Variants in STIMATE observed in about 807,000 individuals in gnomAD.
STIMATE encodes the protein STIM activating enhancer.
STIMATE carries 15 observed loss-of-function variants against 36.7 expected under a neutral mutation model. That is an observed-to-expected ratio of 0.41 (90% CI 0.27 to 0.63). The LOEUF is 0.63. Among genes scored for constraint, STIMATE ranks in the 20% least tolerant of loss-of-function variants. The pLI, the probability that STIMATE is intolerant of heterozygous loss-of-function variation, is 0.32. For synonymous variants in STIMATE, 163 were observed against 162.3 expected (o/e 1.00, Z -0.03); for missense variants, 305 against 397.3 (o/e 0.77, Z 1.98).
intron 1 of STIMATE, among the ~76,000 whole-genome samples, chr3:52,893,911 C>G (rs1701823856): frequency 6.6e-6 from 1 of 152,144 alleles, no homozygotes; most frequent in African/African-American, 2.4e-5. Flanking sequence ...AGCAAACACC[C>G]CCAAATGCCA....
chr3:52,843,984 C>A (rs1004661934), intron 5 of STIMATE, among the ~76,000 whole-genome samples, 186 bp from the exon 6 acceptor site: 37 of 152,336 alleles, frequency 2.4e-4, no homozygotes, highest in Non-Finnish European at 1.6e-4. Context: ...CCTTGGAGAC[C>A]ACATTAAGCA....
At chr3:52,854,362 C>T (rs1359776583) in intron 2 of STIMATE, among the ~76,000 whole-genome samples, 1 of 152,136 alleles carries the variant, frequency 6.6e-6, no homozygotes, top group African/African-American at 2.4e-5. Flanking sequence ...CAGCCCTAAT[C>T]CCCCACCCTC....
Position 52,840,299 on chromosome 3 carries a change from C to A in STIMATE, c.*195G>T. On this transcript the variant is annotated 3_prime_UTR_variant, in exon 8 of 8. Coordinates refer to ENST00000355083, the MANE Select transcript of STIMATE (RefSeq NM_198563.5). The stretch of plus-strand genomic sequence containing the variant: ...AATGGGGACCTCCAGCCGCCAGTGG[C>A]CCCCTCGGGCGCTGGCTCCTCTTCC... The A allele has an allele frequency of 1.8e-6, 1 of 570,826 alleles. No homozygotes were observed. Among genetic ancestry groups the A allele is most frequent in the Non-Finnish European group, 3.0e-6 (1 of 334,904 alleles). The allele number at this position is 570,826 out of a possible 1,614,324, so 35.4% of individuals were successfully genotyped here. A position where few individuals can be genotyped will look rare whatever the true frequency, so the allele number is the denominator to read the frequency against.
chr3:52,868,859 A>G (rs1243174116), intron 1 of STIMATE, among the ~76,000 whole-genome samples: 1 of 152,152 alleles, frequency 6.6e-6, no homozygotes, highest in Non-Finnish European at 1.5e-5. Context: ...ACCATAAGTG[A>G]TCCGCCTGCC....
chr3:52,889,044 C>T (rs1278127471), intron 1 of STIMATE, among the ~76,000 whole-genome samples: 2 of 152,124 alleles, frequency 1.3e-5, no homozygotes, highest in Admixed American at 1.3e-4. Context: ...TTGAGTGGAA[C>T]CTGCTTATGG....
intron 1 of STIMATE, among the ~76,000 whole-genome samples, chr3:52,864,751 T>C (rs1701274468): frequency 6.6e-6 from 1 of 152,156 alleles, no homozygotes; most frequent in African/African-American, 2.4e-5. Flanking sequence ...CCCTAAATCA[T>C]GTCTCTCAAG....
chr3:52,867,624 G>A (rs1701333703), intron 1 of STIMATE, among the ~76,000 whole-genome samples: 1 of 152,248 alleles, frequency 6.6e-6, no homozygotes, highest in Non-Finnish European at 1.5e-5. Flanking sequence ...TTCTCAAGCT[G>A]TCTCACGGGC....
At chr3:52,893,767 T>C (rs1701820557) in intron 1 of STIMATE, among the ~76,000 whole-genome samples, 1 of 152,220 alleles carries the variant, frequency 6.6e-6, no homozygotes, top group Non-Finnish European at 1.5e-5. Context: ...ATAACAAAAA[T>C]AGGCAGGCAG....
At chr3:52,842,742 T>G in intron 7 of STIMATE, 69 bp downstream of exon 7, 3 of 1,603,278 alleles carry the variant, frequency 1.9e-6, no homozygotes, top group Non-Finnish European at 2.6e-6. Flanking sequence ...TACACAGACA[T>G]GAGACCAGAG....
chr3:52,867,933 T>C (rs1559495081), intron 1 of STIMATE, among the ~76,000 whole-genome samples: 1 of 152,160 alleles, frequency 6.6e-6, no homozygotes, highest in Non-Finnish European at 1.5e-5. Context: ...CCTCAAGCCA[T>C]GCCTGGCTGG....
At chr3:52,855,272 T>G in intron 2 of STIMATE, 124 bp downstream of exon 2, 1 of 1,180,540 alleles carries the variant, frequency 8.5e-7, no homozygotes, top group South Asian at 1.5e-5. Flanking sequence ...CCACATACAT[T>G]ATATTATGTA....
intron 1 of STIMATE, among the ~76,000 whole-genome samples, chr3:52,887,175 G>C (rs1701699033): frequency 6.6e-6 from 1 of 152,210 alleles, no homozygotes. Context: ...CCTGAGTTTT[G>C]ATCATTATAC....
chr3:52,844,881 A>G lies in STIMATE; in HGVS notation c.488T>C (p.Ile163Thr), dbSNP rs776668411. 9 of 1,614,156 alleles carry G rather than the reference A, an allele frequency of 5.6e-6. No individual in the cohort carries two copies. ...GATGAAGACGACAGACTTTTCAAAAATCATGATCACGATGTAAAGAGCGCA... is the reference window on the plus strand; with the variant it reads ...GATGAAGACGACAGACTTTTCAAAAGTCATGATCACGATGTAAAGAGCGCA... ...GQCALYIVIM[I>T]FEKSVVFIVL... The change falls in exon 5 of 8, where the codon ATT becomes ACT. Residue 163 changes from isoleucine to threonine, a missense_variant. Coordinates refer to ENST00000355083, the MANE Select transcript of STIMATE (RefSeq NM_198563.5).
At chr3:52,896,684 T>G (rs546786040) in intron 1 of STIMATE, among the ~76,000 whole-genome samples, 3 of 151,666 alleles carry the variant, frequency 2.0e-5, no homozygotes, top group Admixed American at 6.6e-5. Context: ...AGGAAGGGGA[T>G]CTGGGGAAGA....
intron 6 of STIMATE, 94 bp downstream of exon 6, chr3:52,843,627 G>A: frequency 2.2e-6 from 2 of 926,046 alleles, no homozygotes; most frequent in South Asian, 3.1e-5. Context: ...AGACCTGAGG[G>A]CTACAGGTGA....
At position 52,852,611 on chromosome 3, in the gene STIMATE, A is replaced by G. The variant is rs1260777129; in HGVS notation, c.297T>C (p.Pro99=). The change falls in exon 3 of 8, where the codon CCT becomes CCC. Residue 99 remains proline, a synonymous_variant. Transcript: ENST00000355083. ...AAATAGGGAACACTTACAGTGAACA[A>G]GGGTCCTCTTCAGTGAGATCTGCTA... ...VYLADLTEED[P]CSLYLINFLL... 6.2e-7 allele frequency: 1 copy of G among 1,614,040 alleles called. No individual in the cohort carries two copies. Among genetic ancestry groups the G allele is most frequent in the South Asian group, 1.1e-5 (1 of 91,066 alleles).
intron 1 of STIMATE, among the ~76,000 whole-genome samples, chr3:52,873,791 C>T (rs1701450680): frequency 6.6e-6 from 1 of 152,182 alleles, no homozygotes; most frequent in Admixed American, 6.5e-5. Context: ...ATGGGGCTGT[C>T]CTGGAAGGAC....
chr3:52,872,946 C>G (rs368259449), intron 1 of STIMATE, among the ~76,000 whole-genome samples: 1 of 152,200 alleles, frequency 6.6e-6, no homozygotes, highest in East Asian at 1.9e-4. Context: ...ACCTTAAAAA[C>G]AAGAAGCTGA....
intron 7 of STIMATE, 72 bp from the exon 8 acceptor site, chr3:52,840,682 G>T: frequency 7.1e-7 from 1 of 1,417,546 alleles, no homozygotes; most frequent in Non-Finnish European, 9.5e-7. Flanking sequence ...CCTGGACCCT[G>T]GGCCCTTCAA....
Sources: allele counts gnomAD v4.1 joint callset (sites outside exome capture counted in the v4.1 genomes callset), GRCh38; gene constraint gnomAD v4.1.1; transcripts MANE v1.5; gene names NCBI Gene and HGNC (gene_info 2026-07-23, HGNC 2026-07-21).